Variants in PALM2AKAP2 observed in about 807,000 individuals in gnomAD.
PALM2AKAP2 encodes the protein PALM2-AKAP2 fusion protein.
PALM2AKAP2 carries 37 observed loss-of-function variants against 71.5 expected under a neutral mutation model. The observed-to-expected ratio is 0.52, with a 90% CI of 0.40 to 0.68. PALM2AKAP2 has a LOEUF of 0.68. PALM2AKAP2 is among the 30% of genes least tolerant of loss of function. The probability of loss-of-function intolerance (pLI) is 0.00; values close to 1 mark genes in which losing one functional copy is unlikely to be tolerated. For missense variants in PALM2AKAP2, 1,224 were observed against 1,191.8 expected (o/e 1.03, Z -0.40); for synonymous variants, 468 against 478.8 (o/e 0.98, Z 0.29).
At chr9:109,702,895 G>A (rs1442549498) in intron 1 of PALM2AKAP2, among the ~76,000 whole-genome samples, 2 of 150,808 alleles carry the variant, frequency 1.3e-5, no homozygotes, top group Admixed American at 6.6e-5. Context: ...CTTGGTTCAC[G>A]GCAACCTCCG....
intron 5 of PALM2AKAP2, among the ~76,000 whole-genome samples, chr9:109,929,788 T>A (rs1002497046): frequency 7.3e-6 from 1 of 137,524 alleles, no homozygotes; most frequent in Non-Finnish European, 1.5e-5. Context: ...GGCGTGAACC[T>A]GGGAGGCAGA....
At chr9:109,876,539 C>T (rs943217574) in intron 2 of PALM2AKAP2, among the ~76,000 whole-genome samples, 5 of 152,166 alleles carry the variant, frequency 3.3e-5, no homozygotes, top group African/African-American at 1.2e-4. Flanking sequence ...AGTGCAGTGG[C>T]GTGATCTTCG....
intron 1 of PALM2AKAP2, among the ~76,000 whole-genome samples, chr9:109,801,922 A>G (rs1010548603): frequency 6.6e-6 from 1 of 152,208 alleles, no homozygotes; most frequent in Non-Finnish European, 1.5e-5. Flanking sequence ...GAGAGGGACC[A>G]TGGGGAGGGG....
At position 109,925,057 on chromosome 9, in the gene PALM2AKAP2, A is replaced by G. The variant is rs779263795; in HGVS notation, c.373-4A>G. The G allele has an allele frequency of 2.5e-6, 4 of 1,614,112 alleles. No individual in the cohort carries two copies. The highest frequency in any genetic ancestry group is 2.2e-5 in the South Asian group (2 of 91,076). ...AACGCTCTGCCTTGTTTTTGTTCCT[A>G]CAGGGTTTCTCCAGTACGGATGGAG... On this transcript the variant is annotated splice_polypyrimidine_tract_variant and splice_region_variant and intron_variant, in intron 4 of 9. Coordinates refer to the PALM2AKAP2 transcript ENST00000302798.
intron 6 of PALM2AKAP2, among the ~76,000 whole-genome samples, chr9:110,010,561 A>G (rs1832863149): frequency 6.8e-6 from 1 of 147,876 alleles, no homozygotes; most frequent in African/African-American, 2.5e-5. Flanking sequence ...TATATAGAAT[A>G]TATAAATTCT....
chr9:109,977,283 C>A (rs1832189292), intron 6 of PALM2AKAP2, among the ~76,000 whole-genome samples: 1 of 152,160 alleles, frequency 6.6e-6, no homozygotes, highest in African/African-American at 2.4e-5. Flanking sequence ...GATCAGGATC[C>A]ACTTAGTGAG....
At chr9:109,727,813 A>G (rs1274340396) in intron 1 of PALM2AKAP2, among the ~76,000 whole-genome samples, 1 of 152,256 alleles carries the variant, frequency 6.6e-6, no homozygotes, top group Non-Finnish European at 1.5e-5. Flanking sequence ...GCCCAGCTTC[A>G]TGCTTGGCAA....
intron 1 of PALM2AKAP2, among the ~76,000 whole-genome samples, chr9:109,714,932 A>ATCAAAGTTTAGCTTCTCCCCAACTTCC (rs1211065642): frequency 1.3e-5 from 2 of 152,196 alleles, no homozygotes; most frequent in Non-Finnish European, 2.9e-5. Context: ...TTGTGACTGC[A>ATCAAAGTTTAGCTTCTCCCCAACTTCC]TCAAAGTTTA....
rs534213356 is a variant in PALM2AKAP2, at chr9:109,949,546, G to A, written c.496+17518G>A. Among the ~76,000 whole-genome samples the A allele has an allele frequency of 1.7e-3, 259 of 152,308 alleles. 2 individuals are homozygous for A. The highest frequency in any genetic ancestry group is 5.7e-3 in the African/African-American group (237 of 41,564). ...GGAGCTTGAGTTGGAAAACACCCTTGACTGAGCTATTTCTTCATTCCATTA... is the reference window on the plus strand; with the variant it reads ...GGAGCTTGAGTTGGAAAACACCCTTAACTGAGCTATTTCTTCATTCCATTA... On this transcript the variant is annotated intron_variant, in intron 6 of 9. Coordinates refer to the PALM2AKAP2 transcript ENST00000302798.
chr9:110,111,214 C>T (rs975678073), intron 1 of PALM2AKAP2, among the ~76,000 whole-genome samples: 3 of 150,148 alleles, frequency 2.0e-5, no homozygotes, highest in Non-Finnish European at 2.9e-5. Flanking sequence ...ACCTCAGCCT[C>T]GTGAATAGCT....
chr9:109,668,673 C>T (rs188581320), intron 1 of PALM2AKAP2, among the ~76,000 whole-genome samples: 2 of 152,234 alleles, frequency 1.3e-5, no homozygotes, highest in East Asian at 3.9e-4. Flanking sequence ...AACTGATTAG[C>T]CAACCAACAC....
At chr9:109,689,539 C>A (rs140672141) in intron 1 of PALM2AKAP2, among the ~76,000 whole-genome samples, 1 of 152,152 alleles carries the variant, frequency 6.6e-6, no homozygotes, top group Non-Finnish European at 1.5e-5. Flanking sequence ...GAGATCCCAA[C>A]GTGAGATGGG....
At chr9:109,794,212 A>G (rs1198316553) in intron 1 of PALM2AKAP2, among the ~76,000 whole-genome samples, 1 of 152,102 alleles carries the variant, frequency 6.6e-6, no homozygotes, top group Non-Finnish European at 1.5e-5. Flanking sequence ...GAATTTTCTC[A>G]TTATATCCTT....
At chr9:110,086,106 CAA>C (rs34871967) in intron 1 of PALM2AKAP2, among the ~76,000 whole-genome samples, 29 of 80,208 alleles carry the variant, frequency 3.6e-4, no homozygotes, top group Admixed American at 5.7e-4. Flanking sequence ...GACTCCATCT[CAA>C]AAAAAAAAAA....
At chr9:110,138,947 C>G (rs1222695616) in intron 2 of PALM2AKAP2, among the ~76,000 whole-genome samples, 1 of 152,198 alleles carries the variant, frequency 6.6e-6, no homozygotes, top group African/African-American at 2.4e-5. Flanking sequence ...TTAAACCCAT[C>G]TGATTTGGGA....
intron 1 of PALM2AKAP2, among the ~76,000 whole-genome samples, chr9:109,681,608 A>T (rs185567441): frequency 2.0e-5 from 3 of 152,354 alleles, no homozygotes; most frequent in African/African-American, 7.2e-5. Flanking sequence ...TCAGCATGAC[A>T]AAAGACACTA....
chr9:109,741,113 G>A (rs920818580), intron 1 of PALM2AKAP2, among the ~76,000 whole-genome samples: 1 of 152,124 alleles, frequency 6.6e-6, no homozygotes, highest in African/African-American at 2.4e-5. Flanking sequence ...ACCTCAGAAA[G>A]TTTATTTGTG....
intron 1 of PALM2AKAP2, among the ~76,000 whole-genome samples, chr9:109,710,898 G>A (rs1828224514): frequency 6.6e-6 from 1 of 152,134 alleles, no homozygotes; most frequent in Non-Finnish European, 1.5e-5. Context: ...AGAAAGAGCA[G>A]GGAAAAAGCA....
At chr9:109,885,808 T>G (rs1238162839) in intron 3 of PALM2AKAP2, among the ~76,000 whole-genome samples, 3 of 152,208 alleles carry the variant, frequency 2.0e-5, no homozygotes, top group African/African-American at 7.2e-5. Context: ...AGAAACAGCC[T>G]TGGTTTACCA....
Sources: gnomAD v4.1 joint callset for allele counts (sites outside exome capture counted in the v4.1 genomes callset) on GRCh38, gnomAD v4.1.1 for gene constraint, MANE v1.5 for transcripts, NCBI Gene and HGNC (gene_info 2026-07-23, HGNC 2026-07-21) for gene names.